PNMA8A: variants seen among roughly 807,000 people sequenced by gnomAD.
PNMA8A encodes paraneoplastic antigen-like protein 8A.
PNMA8A carries 17 observed loss-of-function variants against 26.6 expected under a neutral mutation model. The ratio of observed to expected loss-of-function variants is 0.64; its 90% confidence interval spans 0.44 to 0.96. PNMA8A has a LOEUF of 0.96. PNMA8A is among the 40% of genes least tolerant of loss of function. PNMA8A has a pLI of 0.00. For missense variants in PNMA8A, 532 were observed against 488.4 expected (o/e 1.09, Z -0.84); for synonymous variants, 224 against 182.0 (o/e 1.23, Z -1.86).
rs1306348231 is a variant in PNMA8A at position 46,467,443 on chromosome 19, TCA to T, written c.*1116_*1117del. The T allele has an allele frequency of 6.6e-6, 1 of 152,238 alleles. No individual in the cohort carries two copies. Among genetic ancestry groups the T allele is most frequent in the Non-Finnish European group, 1.5e-5 (1 of 68,084 alleles). The allele number at this position is 152,238 out of a possible 1,614,324, so 9.4% of individuals were successfully genotyped here. ...AGTTTTGTTTTTTTGAGAGAGAGTCTCACTCTGCTGCCCAGGCTGGAGTGCCG... is the reference window on the plus strand; with the variant it reads ...AGTTTTGTTTTTTTGAGAGAGAGTCTCTCTGCTGCCCAGGCTGGAGTGCCG... On this transcript the variant is annotated 3_prime_UTR_variant, in exon 3 of 3. Coordinates refer to ENST00000313683, the MANE Select transcript of PNMA8A (RefSeq NM_018215.4).
chr19:46,471,204 G>C (rs982017052), intron 1 of PNMA8A, 90 bp from the exon 2 acceptor site: 66 of 556,822 alleles, frequency 1.2e-4, no homozygotes, highest in Non-Finnish European at 1.9e-4. Context: ...TGGCCTGCAG[G>C]AGGCCTGGCG....
At position 46,470,778 on chromosome 19, in the gene PNMA8A, G is replaced by A; in HGVS notation, c.258C>T (p.Phe86=). The change falls in exon 2 of 3, where the codon TTC becomes TTT. Residue 86 remains phenylalanine (F), a synonymous_variant. Transcript: ENST00000313683. ...GVNLSTIPRE[F]PGRGGVWRVV... ...CTCTCCAGACACCACCCCTTCCTGG[G>A]AATTCACGGGGGATGGTGCTCAGAT... 2 of 785,344 alleles carry A rather than the reference G, an allele frequency of 2.5e-6. No individual in the cohort carries two copies. The highest frequency in any genetic ancestry group is 4.7e-6 in the Non-Finnish European group (2 of 422,040). 48.6% of individuals were successfully genotyped at this position (785,344 alleles called of 1,614,324 possible). A position where few individuals can be genotyped will look rare whatever the true frequency, so the allele number is the denominator to read the frequency against.
rs575830002 is a variant in PNMA8A at position 46,466,836 on chromosome 19, ATTCT to A, written c.*1721_*1724del. ...CTGAGAACATCTAACAACTGTTCACATTCTTTATCACAAAAACTGAAGTCGGAAA... is the reference window on the plus strand; with the variant it reads ...CTGAGAACATCTAACAACTGTTCACATTATCACAAAAACTGAAGTCGGAAA... On this transcript the variant is annotated 3_prime_UTR_variant, in exon 3 of 3. Transcript: ENST00000313683. 31 of 152,356 alleles carry A rather than the reference ATTCT, an allele frequency of 2.0e-4. No individual in the cohort carries two copies. In the East Asian group the frequency reaches 5.6e-3, roughly 27 times the overall value. 9.4% of individuals were successfully genotyped at this position (152,356 alleles called of 1,614,324 possible). A position where few individuals can be genotyped will look rare whatever the true frequency, so the allele number is the denominator to read the frequency against.
rs146646463 is a variant in PNMA8A at position 46,468,373 on chromosome 19, A to G, written c.*188T>C. 1,274 of 555,100 alleles carry G rather than the reference A, an allele frequency of 2.3e-3. 13 individuals are homozygous for G. The highest frequency in any genetic ancestry group is 0.021 in the African/African-American group (1,119 of 53,918). 34.4% of individuals were successfully genotyped at this position (555,100 alleles called of 1,614,324 possible). A position where few individuals can be genotyped will look rare whatever the true frequency, so the allele number is the denominator to read the frequency against. On this transcript the variant is annotated 3_prime_UTR_variant, in exon 3 of 3. Transcript: ENST00000313683. The stretch of plus-strand genomic sequence containing the variant: ...GCAGGCCTGGTAGAGAAAAGGGCAT[A>G]GAGATCCACCTCCCTTCCCCAACTC...
rs1031088319 is a variant in PNMA8A at position 46,471,328 on chromosome 19, G to C, written c.-80+9C>G. 1 of 266,484 alleles carries C rather than the reference G, an allele frequency of 3.8e-6. No individual in the cohort carries two copies. Among genetic ancestry groups the C allele is most frequent in the African/African-American group, 2.2e-5 (1 of 45,440 alleles). 16.5% of individuals were successfully genotyped at this position (266,484 alleles called of 1,614,324 possible). On this transcript the variant is annotated intron_variant, in intron 1 of 2. Transcript: ENST00000313683. ...GGCCTGACGCTCCGCCTGCCCAGCC[G>C]GGACTTACTTGGCAGATCAGCCTCC...
At position 46,470,570 on chromosome 19, in the gene PNMA8A, C is replaced by G. The variant is rs773463307; in HGVS notation, c.466G>C (p.Ala156Pro). The G allele has an allele frequency of 1.2e-6, 2 of 1,614,070 alleles. No homozygotes were observed. Among genetic ancestry groups the G allele is most frequent in the Non-Finnish European group, 1.7e-6 (2 of 1,180,026 alleles). The change falls in exon 2 of 3, where the codon GCA becomes CCA. Residue 156 changes from alanine to proline, a missense_variant. Ala to Pro is a conservative substitution (Grantham distance 27). Transcript: ENST00000313683. ...ATGCAGAAGATGATCTGCACCACTGCTCCCAGAAGCACCCCCAGAGCTTCT... is the reference window on the plus strand; with the variant it reads ...ATGCAGAAGATGATCTGCACCACTGGTCCCAGAAGCACCCCCAGAGCTTCT... The part of the protein sequence containing the change: ...WAEALGVLLG[A>P]VVQIIFCMDA...
rs772547620 is a variant in PNMA8A, at chr19:46,470,463, T to C, written c.573A>G (p.Ala191=). ...EFEEMAAWAL[A]AGRKVKKEPG... The stretch of plus-strand genomic sequence containing the variant: ...GTTCTTTCTTCACCTTCCTCCCTGC[T>C]GCTAAAGCCCAGGCTGCCATCTCCT... The change falls in exon 2 of 3, where the codon GCA becomes GCG. Residue 191 remains alanine, a synonymous_variant. Coordinates refer to ENST00000313683, the MANE Select transcript of PNMA8A (RefSeq NM_018215.4). The C allele has an allele frequency of 1.9e-6, 3 of 1,614,008 alleles. No homozygotes were observed. The South Asian group carries it at 3.3e-5, about 18-fold the overall frequency.
In PNMA8A at chr19:46,470,770, C is replaced by G. The variant is rs745957938; in HGVS notation, c.266G>C (p.Arg89Thr). The G allele has an allele frequency of 7.6e-6, 6 of 789,746 alleles. No individual in the cohort carries two copies. Among genetic ancestry groups the G allele is most frequent in the Non-Finnish European group, 1.4e-5 (6 of 426,182 alleles). The allele number at this position is 789,746 out of a possible 1,614,324, so 48.9% of individuals were successfully genotyped here. Residue 89 changes from arginine to threonine, a missense_variant, in exon 2 of 3, where the codon AGG becomes ACG. Arg to Thr is a moderately conservative substitution (Grantham distance 71). Coordinates refer to ENST00000313683, the MANE Select transcript of PNMA8A (RefSeq NM_018215.4). ...ACAGACCACTCTCCAGACACCACCC[C>G]TTCCTGGGAATTCACGGGGGATGGT... ...LSTIPREFPG[R>T]GGVWRVVCRD... is the part of the protein sequence containing the mutation.
chr19:46,468,602 C>G (rs764445702), intron 2 of PNMA8A, 25 bp from the exon 3 acceptor site: 4 of 1,604,288 alleles, frequency 2.5e-6, no homozygotes, highest in Non-Finnish European at 8.5e-7. Flanking sequence ...GAGAACAGAT[C>G]AAGAAGGGAA....
In PNMA8A at chr19:46,469,888, C is replaced by T. The variant is rs1969759224; in HGVS notation, c.1148G>A (p.Arg383Lys). Residue 383 changes from arginine to lysine, a missense_variant, in exon 2 of 3, where the codon AGG becomes AAG. By Grantham distance (26) the Arg-to-Lys change is conservative (BLOSUM62 2). Coordinates refer to ENST00000313683, the MANE Select transcript of PNMA8A (RefSeq NM_018215.4). The part of the protein sequence containing the change: ...SYVLVDSEDG[R>K]KKPVMPKKGP... ...TTTCTTTGGCATCACCGGCTTCTTC[C>T]TGCCATCTTCTGAGTCAACCAAGAC... 1.9e-6 allele frequency: 3 copies of T among 1,614,234 alleles called. No homozygotes were observed. Among genetic ancestry groups the T allele is most frequent in the East Asian group, 2.2e-5 (1 of 44,880 alleles).
chr19:46,469,937 C>CCTT lies in PNMA8A; in HGVS notation c.1096_1098dup (p.Lys366dup). 5.0e-6 allele frequency: 8 copies of CCTT among 1,614,050 alleles called. No homozygotes were observed. Among genetic ancestry groups the CCTT allele is most frequent in the Non-Finnish European group, 6.8e-6 (8 of 1,179,978 alleles). On this transcript the variant is annotated inframe_insertion, in exon 2 of 3. Transcript: ENST00000313683. ...ACGTAGGAGACAGGGCCCAAGCTCACCTTCTTCTTCTTCCTCATGGGAGCG... is the reference window on the plus strand; with the variant it reads ...ACGTAGGAGACAGGGCCCAAGCTCACCTTCTTCTTCTTCTTCCTCATGGGAGCG...
Position 46,470,472 on chromosome 19 carries a change from C to A in PNMA8A, c.564G>T (p.Trp188Cys). ...EAAEFEEMAA[W>C]ALAAGRKVKK... ...TCACCTTCCTCCCTGCTGCTAAAGC[C>A]CAGGCTGCCATCTCCTCGAATTCAG... is the stretch of plus-strand genomic sequence containing the variant. The change falls in exon 2 of 3, where the codon TGG becomes TGT. Residue 188 changes from tryptophan (W) to cysteine (C), a missense_variant. Physicochemically the swap from Trp to Cys is radical, Grantham distance 215. Transcript: ENST00000313683. 6.2e-7 allele frequency: 1 copy of A among 1,613,998 alleles called. No homozygotes were observed. Among genetic ancestry groups the A allele is most frequent in the Non-Finnish European group, 8.5e-7 (1 of 1,180,028 alleles).
At position 46,467,544 on chromosome 19, in the gene PNMA8A, G is replaced by C. The variant is rs1244227409; in HGVS notation, c.*1017C>G. 1 of 152,260 alleles carries C rather than the reference G, an allele frequency of 6.6e-6. No homozygotes were observed. The highest frequency in any genetic ancestry group is 2.4e-5 in the African/African-American group (1 of 41,448). 9.4% of individuals were successfully genotyped at this position (152,260 alleles called of 1,614,324 possible). On this transcript the variant is annotated 3_prime_UTR_variant, in exon 3 of 3. Transcript: ENST00000313683. The stretch of plus-strand genomic sequence containing the variant: ...TTCATCTGCCTCAGCCTCCTGAGTA[G>C]CTGGGATTACAGGCGCGCGCCACCA...
Position 46,470,010 on chromosome 19 carries a change from T to C in PNMA8A, c.1026A>G (p.Glu342=), listed in dbSNP as rs759162719. Residue 342 remains glutamate, a synonymous_variant, in exon 2 of 3, where the codon GAA becomes GAG. Coordinates refer to ENST00000313683, the MANE Select transcript of PNMA8A (RefSeq NM_018215.4). ...ASESDQDGGH[E]SPPKKKAVAW... Reference sequence around the variant, plus strand: ...CCACGGCCTTCTTCTTTGGTGGGCTTTCATGGCCACCATCTTGGTCTGACT... The same window carrying C: ...CCACGGCCTTCTTCTTTGGTGGGCTCTCATGGCCACCATCTTGGTCTGACT... The C allele has an allele frequency of 2.5e-6, 4 of 1,602,626 alleles. No individual in the cohort carries two copies. Among genetic ancestry groups the C allele is most frequent in the Non-Finnish European group, 3.4e-6 (4 of 1,175,654 alleles).
chr19:46,469,590 C>T (rs1311332730), intron 2 of PNMA8A, 143 bp downstream of exon 2: 5 of 911,266 alleles, frequency 5.5e-6, no homozygotes, highest in South Asian at 3.8e-5. Context: ...GTGTCATCCA[C>T]CTCCTGCCAT....
In PNMA8A at chr19:46,467,455, C is replaced by T. The variant is rs1969722147; in HGVS notation, c.*1106G>A. 6.6e-6 allele frequency: 1 copy of T among 152,194 alleles called. No individual in the cohort carries two copies. The highest frequency in any genetic ancestry group is 1.5e-5 in the Non-Finnish European group (1 of 68,084). 9.4% of individuals were successfully genotyped at this position (152,194 alleles called of 1,614,324 possible). A position where few individuals can be genotyped will look rare whatever the true frequency, so the allele number is the denominator to read the frequency against. ...TTGAGAGAGAGTCTCACTCTGCTGC[C>T]CAGGCTGGAGTGCCGTGGCACAATC... On this transcript the variant is annotated 3_prime_UTR_variant, in exon 3 of 3. Coordinates refer to ENST00000313683, the MANE Select transcript of PNMA8A (RefSeq NM_018215.4).
At chr19:46,471,259 C>A in intron 1 of PNMA8A, 78 bp downstream of exon 1, 1 of 465,520 alleles carries the variant, frequency 2.1e-6, no homozygotes, top group Admixed American at 3.7e-5. Flanking sequence ...GGTGCTCACA[C>A]GTGTCCCTGA....
At position 46,470,783 on chromosome 19, in the gene PNMA8A, C is replaced by T. The variant is rs1467838775; in HGVS notation, c.253G>A (p.Glu85Lys). ...CAGACACCACCCCTTCCTGGGAATTCACGGGGGATGGTGCTCAGATTCACA... is the reference window on the plus strand; with the variant it reads ...CAGACACCACCCCTTCCTGGGAATTTACGGGGGATGGTGCTCAGATTCACA... ...EGVNLSTIPREFPGRGGVWRV... is the reference protein window; with the variant it reads ...EGVNLSTIPRKFPGRGGVWRV... The change falls in exon 2 of 3, where the codon GAA becomes AAA. Residue 85 changes from glutamate to lysine, a missense_variant. By Grantham distance (56) the Glu-to-Lys change is moderately conservative (BLOSUM62 1). Coordinates refer to ENST00000313683, the MANE Select transcript of PNMA8A (RefSeq NM_018215.4). The T allele has an allele frequency of 1.3e-6, 1 of 784,618 alleles. No individual in the cohort carries two copies. Among genetic ancestry groups the T allele is most frequent in the African/African-American group, 1.7e-5 (1 of 59,218 alleles). The allele number at this position is 784,618 out of a possible 1,614,324, so 48.6% of individuals were successfully genotyped here.
Position 46,470,275 on chromosome 19 carries a change from G to A in PNMA8A, c.761C>T (p.Ala254Val), listed in dbSNP as rs769349685. 6.2e-7 allele frequency: 1 copy of A among 1,613,764 alleles called. No individual in the cohort carries two copies. The highest frequency in any genetic ancestry group is 8.5e-7 in the Non-Finnish European group (1 of 1,180,030). ...GCCTTTGGGTTTTTTCCAGGGCACT[G>A]CTTCCTGCCTGGAGTTCTTCTTCTG... Reference protein sequence around the residue: ...KKQKKNSRQEAVPWKKPKGIN... With the variant: ...KKQKKNSRQEVVPWKKPKGIN... The change falls in exon 2 of 3, where the codon GCA (alanine) becomes GTA (valine). Residue 254 changes from alanine to valine, a missense_variant. Transcript: ENST00000313683.
Sources: gnomAD v4.1 joint callset for allele counts on GRCh38, gnomAD v4.1.1 for gene constraint, MANE v1.5 for transcripts, NCBI Gene and HGNC (gene_info 2026-07-23, HGNC 2026-07-21) for gene names.